Variants in FIGNL2 observed in about 807,000 individuals in gnomAD.
FIGNL2 encodes fidgetin-like protein 2.
For missense variants in FIGNL2, 1,060 were observed against 950.2 expected (o/e 1.12, Z -1.52); for synonymous variants, 565 against 484.0 (o/e 1.17, Z -2.20).
At chr12:51,833,294 G>T (rs149928739) in intron 1 of FIGNL2, among the ~76,000 whole-genome samples, 2,173 of 152,156 alleles carry the variant, frequency 0.014, 64 homozygotes, top group African/African-American at 0.05. Flanking sequence ...GCTCAAGCTA[G>T]CCTCCTTCCT....
At chr12:51,847,710 A>C in intron 1 of FIGNL2, 1 of 985,378 alleles carries the variant, frequency 1.0e-6, no homozygotes, top group Non-Finnish European at 1.2e-6. Flanking sequence ...GGGCACCAGC[A>C]TTTGCTGATC....
chr12:51,845,462 C>G, intron 1 of FIGNL2: 3 of 812,268 alleles, frequency 3.7e-6, no homozygotes, highest in Non-Finnish European at 4.1e-6. Context: ...GGCTCACCGC[C>G]CCCCCCCCAC....
At chr12:51,847,765 C>CG (rs879298406) in intron 1 of FIGNL2, 95 of 985,206 alleles carry the variant, frequency 9.6e-5, no homozygotes, top group East Asian at 5.7e-4. Flanking sequence ...TCTGCAGCGG[C>CG]GGGGGGGTTG....
At chr12:51,845,492 G>A (rs776601656) in intron 1 of FIGNL2, 6 of 985,454 alleles carry the variant, frequency 6.1e-6, no homozygotes, top group Non-Finnish European at 7.2e-6. Flanking sequence ...CCCCTGAAGG[G>A]GGTCTCAGGG....
At chr12:51,825,087 T>G (rs1939310010) in intron 1 of FIGNL2, among the ~76,000 whole-genome samples, 1 of 151,518 alleles carries the variant, frequency 6.6e-6, no homozygotes, top group African/African-American at 2.4e-5. Flanking sequence ...GCAAGTATTG[T>G]GTTACTATCC....
At chr12:51,836,297 T>C (rs1461072830) in intron 1 of FIGNL2, among the ~76,000 whole-genome samples, 1 of 152,166 alleles carries the variant, frequency 6.6e-6, no homozygotes, top group African/African-American at 2.4e-5. Flanking sequence ...CAGGGCACTC[T>C]GTCATCTGGC....
In FIGNL2 at chr12:51,821,543, C is replaced by T. The variant is rs747561055; in HGVS notation, c.871G>A (p.Ala291Thr). 1.2e-4 allele frequency: 190 copies of T among 1,558,304 alleles called. 1 individual carries two copies. The highest frequency in any genetic ancestry group is 1.6e-4 in the Non-Finnish European group (183 of 1,161,110). Residue 291 changes from alanine (A) to threonine (T), a missense_variant, in exon 2 of 2, where the codon GCT becomes ACT. Transcript: ENST00000618634. The part of the protein sequence containing the change: ...YAYEPAKAPV[A>T]DGASYPAADN... ...GCGGCGGGGTAGGAGGCTCCGTCAGCCACGGGGGCCTTGGCGGGCTCGTAC... is the reference window on the plus strand; with the variant it reads ...GCGGCGGGGTAGGAGGCTCCGTCAGTCACGGGGGCCTTGGCGGGCTCGTAC...
intron 1 of FIGNL2, among the ~76,000 whole-genome samples, chr12:51,834,127 G>GGACAGATGGACA (rs1565946423): frequency 6.7e-6 from 1 of 148,924 alleles, no homozygotes; most frequent in African/African-American, 2.6e-5. Flanking sequence ...ATGGATGGAT[G>GGACAGATGGACA]GATGGATGGA....
At chr12:51,828,681 T>C (rs1294983920) in intron 1 of FIGNL2, among the ~76,000 whole-genome samples, 1 of 152,108 alleles carries the variant, frequency 6.6e-6, no homozygotes, top group Non-Finnish European at 1.5e-5. Flanking sequence ...GACCACAGGC[T>C]CTCCATGCAC....
At chr12:51,837,290 C>A (rs1362881788) in intron 1 of FIGNL2, among the ~76,000 whole-genome samples, 2 of 152,168 alleles carry the variant, frequency 1.3e-5, no homozygotes, top group African/African-American at 2.4e-5. Flanking sequence ...GCTCCTGGGC[C>A]TCTCCTGCTC....
rs375860711 is a variant in FIGNL2, at chr12:51,826,863, C to T, written c.-11-4439G>A. On this transcript the variant is annotated intron_variant, in intron 1 of 1. Transcript: ENST00000618634. ...TGCACACAGGCCCAGAACGATGTCTCACGTGAGTCTGAATACACACCAACA... is the reference window on the plus strand; with the variant it reads ...TGCACACAGGCCCAGAACGATGTCTTACGTGAGTCTGAATACACACCAACA... 3.3e-5 allele frequency among the ~76,000 whole-genome samples: 5 copies of T among 151,446 alleles called. No homozygotes were observed. In the East Asian group the frequency reaches 7.7e-4, roughly 23 times the overall value.
chr12:51,821,477 G>T lies in FIGNL2; in HGVS notation c.937C>A (p.Pro313Thr). The T allele has an allele frequency of 6.5e-7, 1 of 1,549,358 alleles. No individual in the cohort carries two copies. Among genetic ancestry groups the T allele is most frequent in the African/African-American group, 1.4e-5 (1 of 71,838 alleles). ...ECRGNGFRAK[P>T]PGAAEEASGK... ...GACGCCTCCTCCGCGGCTCCTGGCGGCTTGGCCCGGAACCCGTTGCCCCGA... is the reference window on the plus strand; with the variant it reads ...GACGCCTCCTCCGCGGCTCCTGGCGTCTTGGCCCGGAACCCGTTGCCCCGA... Residue 313 changes from proline to threonine, a missense_variant, in exon 2 of 2, where the codon CCG becomes ACG. Physicochemically the swap from Pro to Thr is conservative, Grantham distance 38. Transcript: ENST00000618634.
At chr12:51,843,864 A>T (rs1238992537) in intron 1 of FIGNL2, among the ~76,000 whole-genome samples, 1 of 152,054 alleles carries the variant, frequency 6.6e-6, no homozygotes, top group Admixed American at 6.5e-5. Context: ...ACTTGAAGCC[A>T]GGAGTTCAAG....
At chr12:51,825,118 T>G (rs571622946) in intron 1 of FIGNL2, among the ~76,000 whole-genome samples, 1 of 152,116 alleles carries the variant, frequency 6.6e-6, no homozygotes, top group African/African-American at 2.4e-5. Context: ...TCTGTTTTTT[T>G]TTTTCTATTT....
chr12:51,821,852 GGAGCGCGGCC>G lies in FIGNL2; in HGVS notation c.552_561del (p.Ala185CysfsTer44). On this transcript the variant is annotated frameshift_variant, in exon 2 of 2. Coordinates refer to ENST00000618634, the MANE Select transcript of FIGNL2 (RefSeq NM_001384995.1). LOFTEE classifies it low-confidence loss of function (END_TRUNC). Reference sequence around the variant, plus strand: ...TACCCCGGAGGCGGTGGGGGCTGCAGGAGCGCGGCCGGGGGCGGCGGGGGCAGCGCGGCGC... The same window carrying G: ...TACCCCGGAGGCGGTGGGGGCTGCAGGGGGGCGGCGGGGGCAGCGCGGCGC... 7.7e-7 allele frequency: 1 copy of G among 1,293,650 alleles called. No individual in the cohort carries two copies. 80.1% of individuals were successfully genotyped at this position (1,293,650 alleles called of 1,614,324 possible).
intron 1 of FIGNL2, among the ~76,000 whole-genome samples, chr12:51,828,622 C>T (rs954626049): frequency 1.3e-5 from 2 of 152,180 alleles, no homozygotes; most frequent in Non-Finnish European, 2.9e-5. Flanking sequence ...CTATCTCCCC[C>T]GTGGTCCTGC....
At chr12:51,829,819 AAG>A (rs1339284084) in intron 1 of FIGNL2, among the ~76,000 whole-genome samples, 1 of 150,548 alleles carries the variant, frequency 6.6e-6, no homozygotes, top group African/African-American at 2.5e-5. Context: ...AAAAGGAAGG[AAG>A]AGAGGGAGGG....
At position 51,820,396 on chromosome 12, in the gene FIGNL2, C is replaced by A; in HGVS notation, c.*56G>T. The A allele has an allele frequency of 1.3e-6, 2 of 1,541,408 alleles. No individual in the cohort carries two copies. Among genetic ancestry groups the A allele is most frequent in the South Asian group, 1.2e-5 (1 of 84,322 alleles). ...GGTTTAGTCAGTGACATCCCTCCCA[C>A]GCGGAGGCGGCGGGGACGGAGGGAC... On this transcript the variant is annotated 3_prime_UTR_variant, in exon 2 of 2. Transcript: ENST00000618634.
rs765882327 is a variant in FIGNL2, at chr12:51,820,467, G to A, written c.1947C>T (p.Tyr649=). The A allele has an allele frequency of 1.8e-5, 28 of 1,589,688 alleles. No homozygotes were observed. Among genetic ancestry groups the A allele is most frequent in the Non-Finnish European group, 2.0e-5 (24 of 1,175,730 alleles). ...LDSFVEWDKM[Y]GSGH is the part of the protein sequence containing the mutation. Reference sequence around the variant, plus strand: ...CCGCGCGCCGTCAGTGTCCGGAGCCGTACATTTTGTCCCACTCCACGAACG... The same window carrying A: ...CCGCGCGCCGTCAGTGTCCGGAGCCATACATTTTGTCCCACTCCACGAACG... The change falls in exon 2 of 2, where the codon TAC becomes TAT. Residue 649 remains tyrosine (Y), a synonymous_variant. Transcript: ENST00000618634.
Sources: allele counts gnomAD v4.1 joint callset (sites outside exome capture counted in the v4.1 genomes callset), GRCh38; gene constraint gnomAD v4.1.1; transcripts MANE v1.5; gene names NCBI Gene and HGNC (gene_info 2026-07-23, HGNC 2026-07-21).